The following IDO2 variants were observed in gnomAD, a reference collection of about 807,000 sequenced individuals.
The protein encoded by IDO2 is indoleamine 2,3-dioxygenase-like 1 protein.
IDO2 carries 46 observed loss-of-function variants against 45.1 expected under a neutral mutation model. That is an observed-to-expected ratio of 1.02 (90% CI 0.80 to 1.30). The LOEUF (loss-of-function observed/expected upper bound fraction) is 1.30. Among genes scored for constraint, IDO2 ranks in the 50% most tolerant of loss-of-function variants. The pLI is 0.00. For synonymous variants in IDO2, 218 were observed against 184.9 expected (o/e 1.18, Z -1.45); for missense variants, 544 against 491.8 (o/e 1.11, Z -1.00).
At chr8:40,013,308 C>A (rs1802335245) in intron 9 of IDO2, among the ~76,000 whole-genome samples, 1 of 152,088 alleles carries the variant, frequency 6.6e-6, no homozygotes, top group Non-Finnish European at 1.5e-5. Context: ...GCCACAAATT[C>A]CTCTCTAAAT....
rs951509634 is a variant in IDO2, at chr8:39,989,850, C to T, written c.667+12C>T. The stretch of plus-strand genomic sequence containing the variant: ...AGGACAGATGCATGGTAAGATGCTT[C>T]CGAAGCTCCTGAAGGATCCCCCAGG... On this transcript the variant is annotated intron_variant, in intron 8 of 10. Transcript: ENST00000502986. 2.6e-6 allele frequency: 4 copies of T among 1,551,898 alleles called. No individual in the cohort carries two copies. The highest frequency in any genetic ancestry group is 3.5e-6 in the Non-Finnish European group (4 of 1,140,510).
chr8:39,937,139 G>A (rs1232714521), intron 1 of IDO2, among the ~76,000 whole-genome samples: 1 of 152,152 alleles, frequency 6.6e-6, no homozygotes, highest in Non-Finnish European at 1.5e-5. Flanking sequence ...AATCAGAACA[G>A]CTTTTGAATT....
intron 1 of IDO2, among the ~76,000 whole-genome samples, chr8:39,938,111 CA>C (rs1554543466): frequency 6.6e-6 from 1 of 152,044 alleles, no homozygotes; most frequent in Non-Finnish European, 1.5e-5. Context: ...TTACAAGAAA[CA>C]GATATTAGAA....
chr8:39,991,472 C>A (rs1388539703), intron 8 of IDO2, among the ~76,000 whole-genome samples: 1 of 151,994 alleles, frequency 6.6e-6, no homozygotes, highest in African/African-American at 2.4e-5. Flanking sequence ...TATGAGAAAC[C>A]TTCCAACAGG....
chr8:39,978,907 G>T (rs574938967), intron 3 of IDO2, among the ~76,000 whole-genome samples, 160 bp from the exon 4 acceptor site: 2 of 152,236 alleles, frequency 1.3e-5, no homozygotes, highest in African/African-American at 4.8e-5. Flanking sequence ...TGGGTCTGGG[G>T]ATAAATGGGT....
intron 8 of IDO2, among the ~76,000 whole-genome samples, chr8:39,999,557 G>A (rs1802104394): frequency 1.3e-5 from 2 of 151,558 alleles, no homozygotes; most frequent in African/African-American, 4.8e-5. Context: ...AAGATTACAG[G>A]CCTGAGCCAC....
At chr8:39,937,705 G>A (rs1807579004) in intron 1 of IDO2, among the ~76,000 whole-genome samples, 1 of 152,108 alleles carries the variant, frequency 6.6e-6, no homozygotes. Context: ...TATTTTTGTA[G>A]AGAAATGGTC....
chr8:39,998,787 C>T (rs576816214), intron 8 of IDO2, among the ~76,000 whole-genome samples: 23 of 151,602 alleles, frequency 1.5e-4, no homozygotes, highest in African/African-American at 5.1e-4. Flanking sequence ...ATTACAGGTG[C>T]ACACCACCAC....
chr8:39,977,742 G>A (rs1027207251), intron 3 of IDO2, among the ~76,000 whole-genome samples: 1 of 152,178 alleles, frequency 6.6e-6, no homozygotes, highest in African/African-American at 2.4e-5. Context: ...CCTTCCAGCT[G>A]TGCCTCCCCT....
intron 4 of IDO2, 137 bp downstream of exon 4, chr8:39,979,323 A>G: frequency 1.6e-6 from 1 of 632,122 alleles, no homozygotes; most frequent in Non-Finnish European, 2.4e-6. Context: ...AGTTTAAGCA[A>G]CGATGAAGGG....
intron 1 of IDO2, 64 bp from the exon 2 acceptor site, chr8:39,949,085 G>C: frequency 1.9e-6 from 3 of 1,544,236 alleles, no homozygotes; most frequent in Non-Finnish European, 2.6e-6. Context: ...TGGAACCGAA[G>C]GATGGAACCT....
chr8:39,958,716 G>A (rs931188694), intron 2 of IDO2, among the ~76,000 whole-genome samples: 24 of 152,156 alleles, frequency 1.6e-4, no homozygotes, highest in Admixed American at 2.0e-4. Flanking sequence ...CTCCCAAAGT[G>A]CTGGGATTAC....
chr8:39,980,169 C>T (rs1808321730), intron 4 of IDO2, among the ~76,000 whole-genome samples: 1 of 152,150 alleles, frequency 6.6e-6, no homozygotes, highest in Admixed American at 6.5e-5. Context: ...ATTTTGTACT[C>T]TTATGTATAT....
intron 2 of IDO2, among the ~76,000 whole-genome samples, chr8:39,952,297 G>T (rs922539353): frequency 1.3e-5 from 2 of 152,210 alleles, no homozygotes; most frequent in Non-Finnish European, 2.9e-5. Flanking sequence ...AAAGGCAAGC[G>T]TCAGAGTCGG....
In IDO2 at chr8:40,005,308, A is replaced by T. The variant is rs1292547105; in HGVS notation, c.668-19A>T. The T allele has an allele frequency of 6.4e-7, 1 of 1,559,000 alleles. No individual in the cohort carries two copies. Among genetic ancestry groups the T allele is most frequent in the Non-Finnish European group, 8.7e-7 (1 of 1,144,598 alleles). ...TTTCTTTGCCTGTAGTAAAGTTCACATTTTGATTGCTTCTCCAGATTATGT... is the reference window on the plus strand; with the variant it reads ...TTTCTTTGCCTGTAGTAAAGTTCACTTTTTGATTGCTTCTCCAGATTATGT... On this transcript the variant is annotated intron_variant, in intron 8 of 10. Transcript: ENST00000502986.
intron 7 of IDO2, among the ~76,000 whole-genome samples, chr8:39,988,186 A>T (rs1808452297): frequency 6.6e-6 from 1 of 152,176 alleles, no homozygotes; most frequent in African/African-American, 2.4e-5. Flanking sequence ...TTGTCCATTC[A>T]ACAAACAGGC....
intron 3 of IDO2, among the ~76,000 whole-genome samples, chr8:39,964,254 C>T (rs560203719): frequency 6.6e-6 from 1 of 152,250 alleles, no homozygotes; most frequent in Admixed American, 6.5e-5. Context: ...CTTTTAATGA[C>T]AAAAACCACA....
chr8:39,962,983 A>G (rs546982233), intron 2 of IDO2, among the ~76,000 whole-genome samples: 1 of 152,270 alleles, frequency 6.6e-6, no homozygotes, highest in South Asian at 2.1e-4. Flanking sequence ...CACGGGTTTC[A>G]TCTGGGACCA....
chr8:39,965,460 C>T (rs945980422), intron 3 of IDO2, among the ~76,000 whole-genome samples: 1 of 152,056 alleles, frequency 6.6e-6, no homozygotes, highest in African/African-American at 2.4e-5. Flanking sequence ...GAACTCTAGC[C>T]TGGGCCACAG....
Sources: allele counts gnomAD v4.1 joint callset (sites outside exome capture counted in the v4.1 genomes callset), GRCh38; gene constraint gnomAD v4.1.1; transcripts MANE v1.5; gene names NCBI Gene and HGNC (gene_info 2026-07-23, HGNC 2026-07-21).